BARD1: variants seen among roughly 807,000 people sequenced by gnomAD.
The protein encoded by BARD1 is BRCA1-associated RING domain protein 1.
Under a neutral mutation model 77.0 loss-of-function variants are expected in BARD1, and 73 were observed. The observed-to-expected ratio is 0.95, with a 90% CI of 0.79 to 1.15. The LOEUF (loss-of-function observed/expected upper bound fraction) is 1.15. BARD1 is among the 50% of genes most tolerant of loss of function. The pLI, the probability that BARD1 is intolerant of heterozygous loss-of-function variation, is 0.00. For synonymous variants in BARD1, 384 were observed against 338.0 expected (o/e 1.14, Z -1.49); for missense variants, 993 against 938.8 (o/e 1.06, Z -0.75).
chr2:214,745,018 A>G (rs1693030632), intron 9 of BARD1, 49 bp downstream of exon 9: 1 of 1,519,864 alleles, frequency 6.6e-7, no homozygotes, highest in Admixed American at 1.7e-5. Context: ...ACCATGAAAA[A>G]CAAAACTAGT....
chr2:214,729,066 C>T, intron 10 of BARD1, 58 bp from the exon 11 acceptor site: 1 of 1,495,950 alleles, frequency 6.7e-7, no homozygotes, highest in Non-Finnish European at 9.3e-7. Context: ...TTCAAAAACA[C>T]TGTATATGAA....
At chr2:214,794,303 A>G (rs1695661560) in intron 2 of BARD1, among the ~76,000 whole-genome samples, 1 of 152,140 alleles carries the variant, frequency 6.6e-6, no homozygotes, top group African/African-American at 2.4e-5. Context: ...TGTAGTATTA[A>G]AGAAGAATAG....
chr2:214,731,092 C>A, intron 9 of BARD1: 1 of 262,714 alleles, frequency 3.8e-6, no homozygotes, highest in Non-Finnish European at 7.8e-6. Flanking sequence ...GACAGGTACA[C>A]AACTGAGGTT....
At chr2:214,737,444 T>C (rs1023731411) in intron 9 of BARD1, among the ~76,000 whole-genome samples, 3 of 152,118 alleles carry the variant, frequency 2.0e-5, no homozygotes, top group Non-Finnish European at 4.4e-5. Flanking sequence ...TGTTCATCTT[T>C]ATTTTTAGTT....
intron 1 of BARD1, 108 bp from the exon 2 acceptor site, chr2:214,797,225 A>G: frequency 1.1e-6 from 1 of 905,012 alleles, no homozygotes; most frequent in South Asian, 1.3e-5. Context: ...CACTTTCTCA[A>G]AGCAGAAGGT....
chr2:214,748,345 A>G (rs1693239850), intron 7 of BARD1, among the ~76,000 whole-genome samples: 1 of 152,118 alleles, frequency 6.6e-6, no homozygotes, highest in South Asian at 2.1e-4. Context: ...TAGGTCTCTG[A>G]CCCATGAGGC....
chr2:214,803,221 C>T (rs1233603563), intron 1 of BARD1, among the ~76,000 whole-genome samples: 1 of 151,836 alleles, frequency 6.6e-6, no homozygotes, highest in Non-Finnish European at 1.5e-5. Context: ...CAGGTATTGT[C>T]CAAGGTTTCT....
intron 6 of BARD1, among the ~76,000 whole-genome samples, chr2:214,761,649 A>G (rs963833539): frequency 1.3e-5 from 2 of 152,198 alleles, no homozygotes; most frequent in Admixed American, 1.3e-4. Flanking sequence ...ACAAAAACAA[A>G]AAAAGTATAA....
chr2:214,794,113 C>T (rs997789901), intron 2 of BARD1, among the ~76,000 whole-genome samples: 4 of 151,894 alleles, frequency 2.6e-5, no homozygotes, highest in Admixed American at 6.6e-5. Context: ...ATTAGCCAGG[C>T]GTGGTGGGGT....
chr2:214,768,289 T>G (rs1574790670), intron 5 of BARD1, among the ~76,000 whole-genome samples: 2 of 60,258 alleles, frequency 3.3e-5, no homozygotes, highest in Admixed American at 1.4e-4. Flanking sequence ...CATTCTATAC[T>G]TTTTAAGTAC....
chr2:214,760,763 T>TCACAGGGA (rs1467462268), intron 6 of BARD1, among the ~76,000 whole-genome samples: 2 of 151,420 alleles, frequency 1.3e-5, no homozygotes, highest in Admixed American at 1.3e-4. Flanking sequence ...GTTTTACAGT[T>TCACAGGGA]CACAGGGACT....
chr2:214,730,035 TATA>T (rs1275116401), intron 10 of BARD1, among the ~76,000 whole-genome samples: 1 of 152,210 alleles, frequency 6.6e-6, no homozygotes, highest in African/African-American at 2.4e-5. Context: ...AATATACTTA[TATA>T]ATATCAACAG....
At chr2:214,766,646 A>G (rs1694209575) in intron 6 of BARD1, among the ~76,000 whole-genome samples, 1 of 152,116 alleles carries the variant, frequency 6.6e-6, no homozygotes, top group Non-Finnish European at 1.5e-5. Context: ...CCGCTGCTCA[A>G]GTTTCTTATA....
At chr2:214,776,187 G>A (rs4088306) in intron 4 of BARD1, among the ~76,000 whole-genome samples, 152,280 of 152,294 alleles carry the variant, frequency 1, 76,133 homozygotes, top group Non-Finnish European at 1. Context: ...ATTATGAGTA[G>A]TCATTGCCAT....
intron 9 of BARD1, among the ~76,000 whole-genome samples, chr2:214,735,393 C>A (rs1288701073): frequency 6.6e-6 from 1 of 152,184 alleles, no homozygotes; most frequent in Non-Finnish European, 1.5e-5. Context: ...TGGGGACACA[C>A]TTGTTTGTCA....
At chr2:214,783,221 T>C (rs1695121579) in intron 3 of BARD1, among the ~76,000 whole-genome samples, 1 of 152,084 alleles carries the variant, frequency 6.6e-6, no homozygotes, top group South Asian at 2.1e-4. Flanking sequence ...AATCTGTATA[T>C]AAGTGGACCC....
intron 8 of BARD1, 51 bp downstream of exon 8, chr2:214,745,671 C>A: frequency 6.3e-7 from 1 of 1,595,890 alleles, no homozygotes; most frequent in South Asian, 1.1e-5. Flanking sequence ...CCAAAAGGAT[C>A]ATCTATTTAA....
chr2:214,806,097 A>G (rs547054809), intron 1 of BARD1, among the ~76,000 whole-genome samples: 33 of 152,326 alleles, frequency 2.2e-4, no homozygotes, highest in African/African-American at 7.5e-4. Flanking sequence ...TGGTCCTAAT[A>G]TAAATGTCAC....
intron 1 of BARD1, among the ~76,000 whole-genome samples, chr2:214,803,242 T>C (rs1007975241): frequency 5.3e-5 from 8 of 151,940 alleles, no homozygotes; most frequent in South Asian, 4.2e-4. Flanking sequence ...CCCCATGTGA[T>C]AGTCTGAAAT....
Sources: gnomAD v4.1 joint callset for allele counts (sites outside exome capture counted in the v4.1 genomes callset) on GRCh38, gnomAD v4.1.1 for gene constraint, MANE v1.5 for transcripts, NCBI Gene and HGNC (gene_info 2026-07-23, HGNC 2026-07-21) for gene names.